The following ATP8A1 variants were observed in gnomAD, a reference collection of about 807,000 sequenced individuals.
ATP8A1 encodes ATPase phospholipid transporting 8A1, also known as phospholipid-transporting ATPase IA.
ATP8A1 carries 90 observed loss-of-function variants against 177.7 expected under a neutral mutation model. The observed-to-expected ratio is 0.51, with a 90% CI of 0.43 to 0.60. The LOEUF is 0.60. Ranked by LOEUF, ATP8A1 falls within the 20% of genes least tolerant of loss-of-function variation. ATP8A1 has a pLI of 0.00. For missense variants in ATP8A1, 1,072 were observed against 1,392.8 expected (o/e 0.77, Z 3.67); for synonymous variants, 493 against 485.9 (o/e 1.01, Z -0.19).
chr4:42,427,644 T>C (rs1186878981), intron 33 of ATP8A1, among the ~76,000 whole-genome samples: 10 of 152,246 alleles, frequency 6.6e-5, no homozygotes, highest in Admixed American at 6.5e-4. Context: ...TGTGTTAAAA[T>C]GAAGTCCAGC....
intron 6 of ATP8A1, among the ~76,000 whole-genome samples, chr4:42,594,957 CTT>C (rs1734581942): frequency 6.6e-6 from 1 of 152,090 alleles, no homozygotes; most frequent in Non-Finnish European, 1.5e-5. Flanking sequence ...TGTACTACCT[CTT>C]AGCATTTTTC....
intron 4 of ATP8A1, among the ~76,000 whole-genome samples, chr4:42,619,717 T>A (rs1297613505): frequency 6.6e-6 from 1 of 152,162 alleles, no homozygotes; most frequent in Non-Finnish European, 1.5e-5. Flanking sequence ...TAATCTCTGC[T>A]TTATTCACTG....
At chr4:42,624,227 T>G (rs1017631225) in intron 4 of ATP8A1, among the ~76,000 whole-genome samples, 1 of 152,018 alleles carries the variant, frequency 6.6e-6, no homozygotes, top group African/African-American at 2.4e-5. Context: ...TTAGATAATT[T>G]GGAGGGTTTT....
chr4:42,496,826 A>G (rs139249369), intron 24 of ATP8A1, among the ~76,000 whole-genome samples: 14 of 152,126 alleles, frequency 9.2e-5, no homozygotes, highest in Non-Finnish European at 2.1e-4. Context: ...ATATATACGT[A>G]CATATATATA....
In ATP8A1 at chr4:42,467,585, C is replaced by G. The variant is rs745954977; in HGVS notation, c.2325-2509G>C. Among the ~76,000 whole-genome samples the G allele has an allele frequency of 2.0e-5, 3 of 152,092 alleles. No individual in the cohort carries two copies. In the South Asian group the frequency reaches 6.2e-4, roughly 32 times the overall value. On this transcript the variant is annotated intron_variant, in intron 25 of 36. Coordinates refer to ENST00000381668, the MANE Select transcript of ATP8A1 (RefSeq NM_006095.2). ...GCGCGTGCCTGTAGTCCCAGCTACT[C>G]GGGAAGCTGAGTCAGGAGAATCGCT...
chr4:42,445,358 A>G (rs1025747401), intron 31 of ATP8A1, among the ~76,000 whole-genome samples: 3 of 152,228 alleles, frequency 2.0e-5, no homozygotes, highest in African/African-American at 7.2e-5. Flanking sequence ...CTCGACTCCT[A>G]TACTTGTAAA....
At chr4:42,494,010 T>G (rs1435875869) in intron 24 of ATP8A1, among the ~76,000 whole-genome samples, 1 of 151,790 alleles carries the variant, frequency 6.6e-6, no homozygotes, top group Non-Finnish European at 1.5e-5. Flanking sequence ...GAGACCAGCC[T>G]GGCCAACATG....
intron 24 of ATP8A1, among the ~76,000 whole-genome samples, chr4:42,488,998 TTTA>T (rs1430338541): frequency 6.6e-6 from 1 of 152,170 alleles, no homozygotes; most frequent in African/African-American, 2.4e-5. Flanking sequence ...CATTTCCCCC[TTTA>T]TTATCACTTC....
chr4:42,438,300 T>C (rs28494930), intron 33 of ATP8A1, among the ~76,000 whole-genome samples: 2 of 152,298 alleles, frequency 1.3e-5, no homozygotes, highest in East Asian at 1.9e-4. Flanking sequence ...CTGTGAACAT[T>C]AAATGAGTGA....
intron 25 of ATP8A1, among the ~76,000 whole-genome samples, chr4:42,466,935 G>C (rs1719837754): frequency 6.6e-6 from 1 of 152,166 alleles, no homozygotes; most frequent in African/African-American, 2.4e-5. Flanking sequence ...ATGGGAAATG[G>C]GCATGAATAG....
At chr4:42,457,333 T>C (rs1031867902) in intron 27 of ATP8A1, among the ~76,000 whole-genome samples, 2 of 152,186 alleles carry the variant, frequency 1.3e-5, no homozygotes, top group African/African-American at 4.8e-5. Flanking sequence ...ATGTGGATTA[T>C]GTAAATACAT....
chr4:42,608,205 A>G (rs1196212560), intron 5 of ATP8A1, among the ~76,000 whole-genome samples: 1 of 152,142 alleles, frequency 6.6e-6, no homozygotes, highest in African/African-American at 2.4e-5. Flanking sequence ...CTCAGGACCC[A>G]ATCAAATAAT....
intron 17 of ATP8A1, 98 bp from the exon 18 acceptor site, chr4:42,551,378 T>C: frequency 1.2e-6 from 1 of 803,874 alleles, no homozygotes; most frequent in Non-Finnish European, 2.1e-6. Flanking sequence ...TTCTGTTTAA[T>C]TAAAGTTCTT....
rs187010279 is a variant in ATP8A1 at position 42,434,502 on chromosome 4, T to C, written c.3123+9063A>G. 9.2e-5 allele frequency among the ~76,000 whole-genome samples: 14 copies of C among 152,358 alleles called. No homozygotes were observed. In the East Asian group the frequency reaches 1.5e-3, roughly 17 times the overall value. ...TAGCTAAAGAAAAACAGCTGTTATA[T>C]GGCTTACATAGAAAAACTGACTTAC... On this transcript the variant is annotated intron_variant, in intron 33 of 36. Transcript: ENST00000381668.
intron 35 of ATP8A1, among the ~76,000 whole-genome samples, chr4:42,420,546 G>C (rs1713785123): frequency 6.6e-6 from 1 of 152,122 alleles, no homozygotes; most frequent in African/African-American, 2.4e-5. Flanking sequence ...ATCACTGAAT[G>C]TTTAGGACCT....
chr4:42,531,070 A>T (rs1277207406), intron 20 of ATP8A1, among the ~76,000 whole-genome samples: 1 of 152,222 alleles, frequency 6.6e-6, no homozygotes, highest in Non-Finnish European at 1.5e-5. Flanking sequence ...AGGGAGTTAC[A>T]GTGTTGGCTG....
chr4:42,625,268 T>C (rs1364825074), intron 3 of ATP8A1: 2 of 167,406 alleles, frequency 1.2e-5, no homozygotes, highest in African/African-American at 4.7e-5. Flanking sequence ...ACAACTAATT[T>C]AAATACAAAG....
intron 33 of ATP8A1, among the ~76,000 whole-genome samples, chr4:42,433,774 T>C (rs970453470): frequency 6.6e-6 from 1 of 151,418 alleles, no homozygotes; most frequent in Non-Finnish European, 1.5e-5. Flanking sequence ...TATCATCTCG[T>C]GGGGGCTAAG....
At chr4:42,464,126 A>G (rs545682861) in intron 27 of ATP8A1, among the ~76,000 whole-genome samples, 1 of 151,300 alleles carries the variant, frequency 6.6e-6, no homozygotes, top group African/African-American at 2.5e-5. Context: ...AAGTTTATAG[A>G]CTTTTATACA....
Sources: allele counts gnomAD v4.1 joint callset (sites outside exome capture counted in the v4.1 genomes callset), GRCh38; gene constraint gnomAD v4.1.1; transcripts MANE v1.5; gene names NCBI Gene and HGNC (gene_info 2026-07-23, HGNC 2026-07-21).